The following CELF2 variants were observed in gnomAD, a reference collection of about 807,000 sequenced individuals.
CELF2 encodes the protein CUGBP Elav-like family member 2.
In CELF2, 8 loss-of-function variants were observed where a neutral mutation model predicts 62.6. That is an observed-to-expected ratio of 0.13 (90% confidence interval 0.07 to 0.23). The LOEUF is 0.23. CELF2 is among the 10% of genes least tolerant of loss of function. The probability of loss-of-function intolerance (pLI) is 1.00; values close to 1 mark genes in which losing one functional copy is unlikely to be tolerated. For missense variants in CELF2, 333 were observed against 671.0 expected, an observed-to-expected ratio of 0.50 and a Z score of 5.56; for synonymous variants, 258 against 250.0, an observed-to-expected ratio of 1.03 and a Z score of -0.30.
At chr10:10,554,393 C>A in the CELF2 span, among the ~76,000 whole-genome samples, 2 of 152,124 alleles carry the variant, frequency 1.3e-5, no homozygotes, top group Admixed American at 6.5e-5. Flanking sequence ...CTGATTGTGT[C>A]CTTCTGTTCT....
intron 1 of CELF2, among the ~76,000 whole-genome samples, chr10:11,062,642 C>T (rs1485919619): frequency 6.6e-6 from 1 of 152,186 alleles, no homozygotes; most frequent in Non-Finnish European, 1.5e-5. Context: ...CAAACTTGAA[C>T]AGATGAGCAG....
chr10:11,316,303 G>T lies in CELF2; in HGVS notation c.1096+2045G>T, dbSNP rs1197807225. Among the ~76,000 whole-genome samples, 2 of 152,204 alleles carry T rather than the reference G, an allele frequency of 1.3e-5. No individual in the cohort carries two copies. The highest frequency in any genetic ancestry group is 4.8e-5 in the African/African-American group (2 of 41,452). On this transcript the variant is annotated intron_variant, in intron 10 of 12. Transcript: ENST00000633077. This position sits in a 1 kb window ranked among gnomAD's most constrained non-coding sequence, Gnocchi z 4.4. Reference sequence around the variant, plus strand: ...ACCCCTGCTAGATAGTATGAACCAAGAAAATATTTAATTAAACCCAAAACC... The same window carrying T: ...ACCCCTGCTAGATAGTATGAACCAATAAAATATTTAATTAAACCCAAAACC...
intron 8 of CELF2, among the ~76,000 whole-genome samples, chr10:11,282,137 T>C (rs957891939): frequency 6.6e-6 from 1 of 152,166 alleles, no homozygotes; most frequent in Non-Finnish European, 1.5e-5. Context: ...TTCCTTCCTC[T>C]TCCTCCCCTC....
chr10:10,718,721 TC>T, the CELF2 span, among the ~76,000 whole-genome samples: 56 of 151,312 alleles, frequency 3.7e-4, no homozygotes, highest in African/African-American at 1.3e-3. Flanking sequence ...GACACCATGC[TC>T]TGTGCAGCTA....
the CELF2 span, among the ~76,000 whole-genome samples, chr10:10,549,556 T>C: frequency 6.6e-6 from 1 of 152,230 alleles, no homozygotes; most frequent in Non-Finnish European, 1.5e-5. Context: ...TGTGCTGGGA[T>C]TACAGGCGTG....
chr10:10,868,933 C>T (rs2060552762), intron 1 of CELF2, among the ~76,000 whole-genome samples: 1 of 152,182 alleles, frequency 6.6e-6, no homozygotes, highest in Non-Finnish European at 1.5e-5. Flanking sequence ...GTCCCCCATC[C>T]TAGCATGTTT....
the CELF2 span, among the ~76,000 whole-genome samples, chr10:10,547,281 C>G: frequency 6.6e-6 from 1 of 152,172 alleles, no homozygotes; most frequent in Non-Finnish European, 1.5e-5. Flanking sequence ...CACTAGCCAG[C>G]CACCTGACCC....
At chr10:10,784,218 C>T in the CELF2 span, among the ~76,000 whole-genome samples, 8 of 152,306 alleles carry the variant, frequency 5.3e-5, no homozygotes, top group South Asian at 1.7e-3. Context: ...GGCTGGGGAG[C>T]ACACAGATGG....
chr10:10,983,512 A>G lies in CELF2; in HGVS notation c.89+63513A>G, dbSNP rs1343520344. ...TGTAATTTTTACTGAGTCCCTACAA[A>G]GGCCTTATGCTATGATGGGTGCTAC... On this transcript the variant is annotated intron_variant, in intron 2 of 13. Transcript: ENST00000636488. The surrounding 1 kb of genome is among the most constrained non-coding windows in gnomAD (Gnocchi z 5.2). 6.6e-6 allele frequency among the ~76,000 whole-genome samples: 1 copy of G among 152,186 alleles called. No homozygotes were observed.
chr10:11,000,855 C>A (rs2054444001), upstream of CELF2, among the ~76,000 whole-genome samples: 1 of 152,188 alleles, frequency 6.6e-6, no homozygotes, highest in African/African-American at 2.4e-5. Flanking sequence ...AGAAGGATTG[C>A]ACCATATTCC....
At chr10:11,208,114 C>A (rs896356669) in intron 2 of CELF2, among the ~76,000 whole-genome samples, 1 of 152,106 alleles carries the variant, frequency 6.6e-6, no homozygotes, top group African/African-American at 2.4e-5. Context: ...TGGCTTTGCT[C>A]TTGGCTCCTG....
chr10:10,500,960 T>C, the CELF2 span, among the ~76,000 whole-genome samples: 14 of 152,238 alleles, frequency 9.2e-5, no homozygotes, highest in African/African-American at 3.4e-4. Context: ...CAGTAGTTAT[T>C]ATTTATTGCT....
chr10:11,218,146 T>G (rs1180583111), intron 3 of CELF2, among the ~76,000 whole-genome samples: 1 of 152,226 alleles, frequency 6.6e-6, no homozygotes, highest in Non-Finnish European at 1.5e-5. Flanking sequence ...AATACAGTTT[T>G]TCTAAAGGAT....
chr10:10,577,364 T>TTTTTTATTATTA, the CELF2 span, among the ~76,000 whole-genome samples: 36 of 141,422 alleles, frequency 2.5e-4, no homozygotes, highest in East Asian at 4.4e-3. Context: ...AACAAATCTT[T>TTTTTTATTATTA]TTATTATTAT....
At chr10:10,648,081 C>G in the CELF2 span, among the ~76,000 whole-genome samples, 1 of 152,206 alleles carries the variant, frequency 6.6e-6, no homozygotes, top group African/African-American at 2.4e-5. Flanking sequence ...GTGCTATCCT[C>G]AGGATATATG....
intron 1 of CELF2, among the ~76,000 whole-genome samples, chr10:10,865,387 A>C (rs903042721): frequency 6.6e-6 from 1 of 152,214 alleles, no homozygotes; most frequent in Non-Finnish European, 1.5e-5. Flanking sequence ...ATCTTTTAGA[A>C]TTCTCCCCAA....
At chr10:10,580,172 C>A in the CELF2 span, among the ~76,000 whole-genome samples, 4 of 152,060 alleles carry the variant, frequency 2.6e-5, no homozygotes, top group Non-Finnish European at 5.9e-5. Context: ...TTGGAAAGGT[C>A]AAGCCATTCA....
At chr10:11,187,153 C>T (rs1046424958) in intron 2 of CELF2, among the ~76,000 whole-genome samples, 3 of 152,018 alleles carry the variant, frequency 2.0e-5, no homozygotes, top group African/African-American at 4.8e-5. Flanking sequence ...ATTGAAATCT[C>T]GTGTATTTGT....
At chr10:10,912,600 C>T (rs192420840) in intron 1 of CELF2, among the ~76,000 whole-genome samples, 9 of 152,248 alleles carry the variant, frequency 5.9e-5, no homozygotes, top group Non-Finnish European at 1.2e-4. Flanking sequence ...GATCTCTTGA[C>T]CTTGTGATCT....
Sources: allele counts gnomAD v4.1 joint callset (sites outside exome capture counted in the v4.1 genomes callset), GRCh38; gene constraint gnomAD v4.1.1; non-coding constraint Gnocchi (gnomAD v3.1); transcripts MANE v1.5; gene names NCBI Gene and HGNC (gene_info 2026-07-23, HGNC 2026-07-21).